ARHGAP10: variants seen among roughly 807,000 people sequenced by gnomAD.
ARHGAP10 encodes rho GTPase-activating protein 10.
A neutral mutation model predicts 108.6 loss-of-function variants in ARHGAP10; 87 were observed. The ratio of observed to expected loss-of-function variants is 0.80; its 90% confidence interval spans 0.67 to 0.96. The LOEUF (loss-of-function observed/expected upper bound fraction) is 0.96, where lower values mean the gene tolerates loss of function less well. Among genes scored for constraint, ARHGAP10 ranks in the 40% least tolerant of loss-of-function variants. ARHGAP10 has a pLI of 0.00. For synonymous variants in ARHGAP10, 347 were observed against 341.1 expected (o/e 1.02, Z -0.19); for missense variants, 939 against 954.5 (o/e 0.98, Z 0.21).
At chr4:147,888,901 T>C (rs2126882822) in intron 10 of ARHGAP10, among the ~76,000 whole-genome samples, 1 of 152,332 alleles carries the variant, frequency 6.6e-6, no homozygotes, top group South Asian at 2.1e-4. Context: ...GGCTCTTCTC[T>C]TGTCTACTCT....
chr4:147,782,823 C>T (rs1730591642), intron 1 of ARHGAP10, among the ~76,000 whole-genome samples: 1 of 146,778 alleles, frequency 6.8e-6, no homozygotes, highest in South Asian at 2.1e-4. Flanking sequence ...CAGCTAGTCT[C>T]TAAAGACTCC....
At chr4:148,052,976 A>T (rs1729210234) in intron 20 of ARHGAP10, among the ~76,000 whole-genome samples, 1 of 152,168 alleles carries the variant, frequency 6.6e-6, no homozygotes, top group Admixed American at 6.5e-5. Context: ...CAGAAAAAGT[A>T]TTAGATACCC....
intron 18 of ARHGAP10, among the ~76,000 whole-genome samples, chr4:147,969,984 CAGGGTTGG>C (rs1391345072): frequency 6.6e-6 from 1 of 152,074 alleles, no homozygotes; most frequent in Non-Finnish European, 1.5e-5. Context: ...GGTTGTGTGG[CAGGGTTGG>C]AGGGTTGGAG....
Position 147,886,682 on chromosome 4 carries a change from C to T in ARHGAP10, c.1034+4750C>T, listed in dbSNP as rs373890254. ...TCTCTTTCTAGAGAAGCAATTTCTA[C>T]TGTATTCATGGGATCACTTCAAATA... On this transcript the variant is annotated intron_variant, in intron 10 of 22. Coordinates refer to ENST00000336498, the MANE Select transcript of ARHGAP10 (RefSeq NM_024605.4). Among the ~76,000 whole-genome samples, 4 of 152,332 alleles carry T rather than the reference C, an allele frequency of 2.6e-5. No individual in the cohort carries two copies. In the East Asian group the frequency reaches 5.8e-4, roughly 22 times the overall value.
chr4:148,009,071 TC>T (rs1218466363), intron 18 of ARHGAP10, among the ~76,000 whole-genome samples: 1 of 152,048 alleles, frequency 6.6e-6, no homozygotes, highest in Non-Finnish European at 1.5e-5. Context: ...ATCCACATGA[TC>T]AGAAGTTCTT....
intron 1 of ARHGAP10, among the ~76,000 whole-genome samples, chr4:147,783,430 GTATTGTATAATTTATATAGCA>G (rs1432618277): frequency 4.0e-4 from 55 of 136,086 alleles, no homozygotes; most frequent in African/African-American, 1.4e-3. Flanking sequence ...ATTAAATTAT[GTATTGTATAATTTATATAGCA>G]CACATTAAAT....
chr4:147,924,666 A>G (rs1315816567), intron 13 of ARHGAP10, among the ~76,000 whole-genome samples: 1 of 152,214 alleles, frequency 6.6e-6, no homozygotes, highest in African/African-American at 2.4e-5. Flanking sequence ...TTTATGGTAC[A>G]CTGTTAGCAT....
At chr4:148,020,112 G>C (rs1741510112) in intron 18 of ARHGAP10, among the ~76,000 whole-genome samples, 1 of 152,144 alleles carries the variant, frequency 6.6e-6, no homozygotes, top group Admixed American at 6.5e-5. Context: ...AGATTTTGGA[G>C]TGTTTCAGAT....
intron 3 of ARHGAP10, among the ~76,000 whole-genome samples, chr4:147,825,747 G>T (rs1420131436): frequency 6.6e-6 from 1 of 152,124 alleles, no homozygotes; most frequent in Non-Finnish European, 1.5e-5. Flanking sequence ...GGTGAGGTAC[G>T]TGTTCTTAGT....
At chr4:147,996,492 C>T (rs1457817687) in intron 18 of ARHGAP10, among the ~76,000 whole-genome samples, 1 of 152,144 alleles carries the variant, frequency 6.6e-6, no homozygotes, top group Non-Finnish European at 1.5e-5. Flanking sequence ...CCCAGACTGG[C>T]CATCTGAGAC....
chr4:147,760,982 A>G (rs1464925383), intron 1 of ARHGAP10, among the ~76,000 whole-genome samples: 1 of 152,114 alleles, frequency 6.6e-6, no homozygotes, highest in Non-Finnish European at 1.5e-5. Context: ...GGTTGTAGGT[A>G]AAAAGAGGCA....
chr4:147,835,626 G>A (rs1299910158), intron 3 of ARHGAP10, among the ~76,000 whole-genome samples: 1 of 152,166 alleles, frequency 6.6e-6, no homozygotes, highest in Non-Finnish European at 1.5e-5. Flanking sequence ...TGCCCGCCTT[G>A]GCCTCCCAAA....
At chr4:147,916,775 G>C (rs918369105) in intron 13 of ARHGAP10, 1 of 152,172 alleles carries the variant, frequency 6.6e-6, no homozygotes, top group African/African-American at 2.4e-5. Context: ...ATATCTAGAG[G>C]GTAAAGGCAC....
rs1728835787 is a variant in ARHGAP10 at position 147,744,717 on chromosome 4, G to T, written c.154+12262G>T. Among the ~76,000 whole-genome samples the T allele has an allele frequency of 3.3e-5, 5 of 152,134 alleles. No homozygotes were observed. The South Asian group carries it at 1.0e-3, about 32-fold the overall frequency. On this transcript the variant is annotated intron_variant, in intron 1 of 22. Coordinates refer to ENST00000336498, the MANE Select transcript of ARHGAP10 (RefSeq NM_024605.4). ...AGTTCACTGAGGTCCTGCCACAGCA[G>T]CAGCTTTTGTGGGAGAGAGGATGAG... is the stretch of plus-strand genomic sequence containing the variant.
rs572247928 is a variant in ARHGAP10, at chr4:147,858,405, CACTT to C, written c.486+753_486+756del. On this transcript the variant is annotated intron_variant, in intron 5 of 22. Transcript: ENST00000336498. ...GGACATTATGTACTACTGTCATAAACACTTATTGAAGTATTATCAAAATGACACA... is the reference window on the plus strand; with the variant it reads ...GGACATTATGTACTACTGTCATAAACATTGAAGTATTATCAAAATGACACA... 125 of 152,104 alleles carry C rather than the reference CACTT, an allele frequency of 8.2e-4. 1 individual carries two copies. Among genetic ancestry groups the C allele is most frequent in the Non-Finnish European group, 9.9e-4 (67 of 67,996 alleles). 9.4% of individuals were successfully genotyped at this position (152,104 alleles called of 1,614,324 possible).
At chr4:147,768,912 A>G (rs1729952920) in intron 1 of ARHGAP10, among the ~76,000 whole-genome samples, 1 of 151,906 alleles carries the variant, frequency 6.6e-6, no homozygotes, top group Non-Finnish European at 1.5e-5. Context: ...CTAATTTTGT[A>G]TTTTTAGTGG....
intron 19 of ARHGAP10, among the ~76,000 whole-genome samples, chr4:148,043,535 T>G (rs1728722698): frequency 6.9e-6 from 1 of 144,736 alleles, no homozygotes; most frequent in African/African-American, 2.5e-5. Context: ...TCCGAACACT[T>G]TGAGAAGTCA....
rs141610829 is a variant in ARHGAP10, at chr4:147,886,371, C to A, written c.1034+4439C>A. The stretch of plus-strand genomic sequence containing the variant: ...TTTACCGTACCTCAGCCATTCTCTC[C>A]GGTGTTCATTCCTTAGACTTTGTCA... On this transcript the variant is annotated intron_variant, in intron 10 of 22. Transcript: ENST00000336498. Among the ~76,000 whole-genome samples the A allele has an allele frequency of 2.0e-5, 3 of 152,264 alleles. No individual in the cohort carries two copies. In the East Asian group the frequency reaches 5.8e-4, roughly 29 times the overall value.
chr4:147,769,455 G>T (rs2126716595), intron 1 of ARHGAP10, among the ~76,000 whole-genome samples: 1 of 152,232 alleles, frequency 6.6e-6, no homozygotes, highest in Admixed American at 6.5e-5. Flanking sequence ...ATTAAAAATT[G>T]TGCATCAAGG....
Sources: gnomAD v4.1 joint callset for allele counts (sites outside exome capture counted in the v4.1 genomes callset) on GRCh38, gnomAD v4.1.1 for gene constraint, MANE v1.5 for transcripts, NCBI Gene and HGNC (gene_info 2026-07-23, HGNC 2026-07-21) for gene names.